BRINP3: variants seen among roughly 807,000 people sequenced by gnomAD.
BRINP3 encodes BMP/retinoic acid inducible neural specific 3, also known as BMP/retinoic acid-inducible neural-specific protein 3.
In BRINP3, 19 loss-of-function variants were observed where a neutral mutation model predicts 71.0. The ratio of observed to expected loss-of-function variants is 0.27; its 90% CI spans 0.19 to 0.39. BRINP3 has a LOEUF of 0.39. Among genes scored for constraint, BRINP3 ranks in the 10% least tolerant of loss-of-function variants. BRINP3 has a pLI of 1.00. For synonymous variants in BRINP3, 380 were observed against 337.7 expected, an observed-to-expected ratio of 1.13 and a Z score of -1.37; for missense variants, 959 against 940.8, an observed-to-expected ratio of 1.02 and a Z score of -0.25.
chr1:190,442,216 C>G (rs1296060073), intron 2 of BRINP3, among the ~76,000 whole-genome samples: 1 of 152,070 alleles, frequency 6.6e-6, no homozygotes, highest in Admixed American at 6.5e-5. Context: ...GATTACATTT[C>G]GTGAGAAAAT....
intron 2 of BRINP3, among the ~76,000 whole-genome samples, chr1:190,361,105 G>C (rs1300268329): frequency 6.6e-6 from 1 of 151,868 alleles, no homozygotes; most frequent in Non-Finnish European, 1.5e-5. Flanking sequence ...AGATACATTT[G>C]ACTCAAGCAT....
intron 6 of BRINP3, among the ~76,000 whole-genome samples, chr1:190,213,241 T>C (rs149464774): frequency 6.6e-6 from 1 of 152,182 alleles, no homozygotes; most frequent in Non-Finnish European, 1.5e-5. Context: ...CACTCTGTCA[T>C]AGTGACACAT....
At chr1:190,394,737 T>C (rs1393182791) in intron 2 of BRINP3, among the ~76,000 whole-genome samples, 2 of 151,612 alleles carry the variant, frequency 1.3e-5, no homozygotes, top group Admixed American at 6.6e-5. Flanking sequence ...TTACCATTTC[T>C]ATATAAATTA....
chr1:190,309,210 T>C (rs1389394240), intron 2 of BRINP3, among the ~76,000 whole-genome samples: 1 of 151,670 alleles, frequency 6.6e-6, no homozygotes, highest in Non-Finnish European at 1.5e-5. Context: ...CTGCTAAAAA[T>C]ATTGTATGAT....
At chr1:190,297,515 T>C (rs557120631) in intron 2 of BRINP3, among the ~76,000 whole-genome samples, 2 of 152,314 alleles carry the variant, frequency 1.3e-5, no homozygotes, top group South Asian at 4.1e-4. Flanking sequence ...GCTGTGGAAT[T>C]TCATAGATGC....
intron 2 of BRINP3, among the ~76,000 whole-genome samples, chr1:190,308,146 T>C (rs1449566383): frequency 2.0e-4 from 30 of 151,936 alleles, no homozygotes; most frequent in Admixed American, 1.9e-3. Context: ...TTTTCAATTC[T>C]ATTTAAGGGC....
chr1:190,136,617 A>C (rs1302846108), intron 7 of BRINP3, among the ~76,000 whole-genome samples: 1 of 152,116 alleles, frequency 6.6e-6, no homozygotes, highest in African/African-American at 2.4e-5. Context: ...AATTACCATG[A>C]GCTTACAATT....
intron 2 of BRINP3, among the ~76,000 whole-genome samples, chr1:190,352,500 T>C (rs1189696190): frequency 6.6e-6 from 1 of 152,026 alleles, no homozygotes; most frequent in Non-Finnish European, 1.5e-5. Context: ...CTAGGTATTA[T>C]CTATCATGAG....
chr1:190,298,183 G>A (rs1360853006), intron 2 of BRINP3, among the ~76,000 whole-genome samples: 5 of 152,022 alleles, frequency 3.3e-5, no homozygotes, highest in African/African-American at 1.2e-4. Context: ...GTTGTGTAGT[G>A]CTAACCACTG....
chr1:190,370,248 T>C (rs1180710857), intron 2 of BRINP3, among the ~76,000 whole-genome samples: 1 of 152,126 alleles, frequency 6.6e-6, no homozygotes, highest in East Asian at 1.9e-4. Flanking sequence ...ATTGTTAACC[T>C]AATCAAGAAA....
At chr1:190,148,555 C>T (rs1041594565) in intron 7 of BRINP3, among the ~76,000 whole-genome samples, 3 of 150,498 alleles carry the variant, frequency 2.0e-5, no homozygotes, top group Non-Finnish European at 3.0e-5. Flanking sequence ...GAGATCGCGC[C>T]GCTGTATACA....
At chr1:190,137,210 A>C (rs1655045867) in intron 7 of BRINP3, among the ~76,000 whole-genome samples, 1 of 152,126 alleles carries the variant, frequency 6.6e-6, no homozygotes, top group African/African-American at 2.4e-5. Flanking sequence ...TAAAATTTTG[A>C]AGGCCCAAGG....
intron 6 of BRINP3, among the ~76,000 whole-genome samples, chr1:190,177,329 ATTTTTTTTT>A (rs11307442): frequency 4.1e-5 from 4 of 98,724 alleles, no homozygotes; most frequent in African/African-American, 1.3e-4. Flanking sequence ...TGCCTGGATA[ATTTTTTTTT>A]TTTTTTTTTT....
intron 4 of BRINP3, among the ~76,000 whole-genome samples, chr1:190,257,252 AT>A: frequency 6.6e-6 from 1 of 152,090 alleles, no homozygotes; most frequent in Non-Finnish European, 1.5e-5. Context: ...TCAATCATTG[AT>A]ACCCTTTCTT....
chr1:190,166,821 T>G (rs1463928029), intron 6 of BRINP3, among the ~76,000 whole-genome samples: 1 of 152,052 alleles, frequency 6.6e-6, no homozygotes, highest in African/African-American at 2.4e-5. Flanking sequence ...CCCCCAGGGT[T>G]CAAGCGACTC....
chr1:190,239,529 G>T (rs1658849750), intron 4 of BRINP3, among the ~76,000 whole-genome samples: 2 of 152,070 alleles, frequency 1.3e-5, no homozygotes, highest in African/African-American at 4.8e-5. Context: ...AGGGCATTAG[G>T]ATAAATACTT....
intron 6 of BRINP3, among the ~76,000 whole-genome samples, chr1:190,192,643 C>A (rs1571321118): frequency 6.6e-6 from 1 of 151,588 alleles, no homozygotes; most frequent in Non-Finnish European, 1.5e-5. Context: ...TTCTCTATGA[C>A]CCTCAAAAAC....
intron 6 of BRINP3, among the ~76,000 whole-genome samples, chr1:190,210,295 T>C (rs71637230): frequency 6.6e-6 from 1 of 152,124 alleles, no homozygotes; most frequent in African/African-American, 2.4e-5. Flanking sequence ...GAATATATTG[T>C]ATTATTTATT....
intron 2 of BRINP3, among the ~76,000 whole-genome samples, chr1:190,400,786 T>C (rs903131979): frequency 2.0e-5 from 3 of 152,210 alleles, no homozygotes; most frequent in Non-Finnish European, 4.4e-5. Flanking sequence ...CTGACTAGTA[T>C]AAACCAGTGA....
Sources: gnomAD v4.1 joint callset for allele counts (sites outside exome capture counted in the v4.1 genomes callset) on GRCh38, gnomAD v4.1.1 for gene constraint, MANE v1.5 for transcripts, NCBI Gene and HGNC (gene_info 2026-07-23, HGNC 2026-07-21) for gene names.